Variants in GLIS3 observed in about 807,000 individuals in gnomAD.
GLIS3 encodes the protein zinc finger protein GLIS3.
A neutral mutation model predicts 78.6 loss-of-function variants in GLIS3; 53 were observed. The observed-to-expected ratio is 0.67, with a 90% CI of 0.54 to 0.85. The LOEUF (loss-of-function observed/expected upper bound fraction) is 0.85. GLIS3 is among the 40% of genes least tolerant of loss of function. The probability of loss-of-function intolerance (pLI) is 0.00; values close to 1 mark genes in which losing one functional copy is unlikely to be tolerated. For synonymous variants in GLIS3, 684 were observed against 509.9 expected (o/e 1.34, Z -4.60); for missense variants, 1,703 against 1,231.1 (o/e 1.38, Z -5.74).
chr9:3,972,559 T>A (rs1348229781), intron 4 of GLIS3, among the ~76,000 whole-genome samples: 2 of 152,164 alleles, frequency 1.3e-5, no homozygotes, highest in African/African-American at 4.8e-5. Context: ...AAAAAGGGTT[T>A]TTTTTGTTTG....
chr9:4,483,195 T>C, the GLIS3 span, among the ~76,000 whole-genome samples: 1 of 129,432 alleles, frequency 7.7e-6, no homozygotes, highest in Admixed American at 8.2e-5. Context: ...ATACTATATC[T>C]TGCTTTAGGC....
At chr9:4,451,468 G>A in the GLIS3 span, among the ~76,000 whole-genome samples, 12 of 152,128 alleles carry the variant, frequency 7.9e-5, no homozygotes, top group Admixed American at 6.6e-5. Context: ...AGGATATCCA[G>A]GAATTGAACT....
intron 2 of GLIS3, among the ~76,000 whole-genome samples, chr9:4,196,497 C>A (rs1586945386): frequency 6.6e-6 from 1 of 152,302 alleles, no homozygotes; most frequent in South Asian, 2.1e-4. Context: ...GAGCTGTAAC[C>A]CTCACCATAA....
intron 7 of GLIS3, among the ~76,000 whole-genome samples, chr9:3,895,281 T>C (rs1002731778): frequency 1.1e-4 from 17 of 152,288 alleles, no homozygotes; most frequent in African/African-American, 3.4e-4. Flanking sequence ...TCATCTAAAT[T>C]TACAGGCCTG....
chr9:4,247,078 T>C (rs991959124), intron 2 of GLIS3, among the ~76,000 whole-genome samples: 2 of 152,226 alleles, frequency 1.3e-5, no homozygotes, highest in African/African-American at 4.8e-5. Context: ...GGATGGCTTT[T>C]GTCAGCCCTC....
intron 9 of GLIS3, among the ~76,000 whole-genome samples, chr9:3,837,070 T>C (rs1818398047): frequency 6.6e-6 from 1 of 152,194 alleles, no homozygotes; most frequent in African/African-American, 2.4e-5. Context: ...AAGGATATTG[T>C]TGCTCAATCC....
chr9:4,129,526 T>G (rs756421873), intron 2 of GLIS3, among the ~76,000 whole-genome samples: 1 of 152,118 alleles, frequency 6.6e-6, no homozygotes, highest in Non-Finnish European at 1.5e-5. Context: ...TCTGGATGTT[T>G]CAAAGTGTGT....
At chr9:4,109,695 C>T (rs1831054487) in intron 4 of GLIS3, among the ~76,000 whole-genome samples, 1 of 152,102 alleles carries the variant, frequency 6.6e-6, no homozygotes, top group African/African-American at 2.4e-5. Flanking sequence ...GTTTCCAATT[C>T]CTAAACATGA....
intron 4 of GLIS3, among the ~76,000 whole-genome samples, chr9:3,944,705 T>C (rs562222264): frequency 4.9e-4 from 74 of 152,346 alleles, no homozygotes; most frequent in Non-Finnish European, 4.6e-4. Context: ...GCAAATATGT[T>C]TTATGGCTAT....
intron 4 of GLIS3, among the ~76,000 whole-genome samples, chr9:4,048,759 C>G (rs188302684): frequency 1.4e-4 from 22 of 152,282 alleles, no homozygotes; most frequent in Middle Eastern, 6.8e-3. Context: ...TCTTTCCAGC[C>G]ACCCATCAGG....
At chr9:4,059,825 T>TGAGACA (rs1469909194) in intron 4 of GLIS3, among the ~76,000 whole-genome samples, 1 of 120,270 alleles carries the variant, frequency 8.3e-6, no homozygotes, top group African/African-American at 3.2e-5. Flanking sequence ...TGTGTGTGTG[T>TGAGACA]GTGTGAGAGA....
At chr9:4,387,385 A>AC in the GLIS3 span, among the ~76,000 whole-genome samples, 1 of 152,000 alleles carries the variant, frequency 6.6e-6, no homozygotes, top group Non-Finnish European at 1.5e-5. Flanking sequence ...ACTCTCAGTT[A>AC]CCATCATTTT....
chr9:4,081,375 T>C (rs2130700275), intron 4 of GLIS3: 1 of 152,378 alleles, frequency 6.6e-6, no homozygotes, highest in African/African-American at 2.4e-5. Context: ...TTAGACTACA[T>C]TTCCCAGCCT....
intron 2 of GLIS3, among the ~76,000 whole-genome samples, chr9:4,323,435 T>A (rs1817564905): frequency 6.6e-6 from 1 of 152,256 alleles, no homozygotes; most frequent in Admixed American, 6.5e-5. Context: ...TTATGTTGTC[T>A]GTATTCGTCC....
intron 7 of GLIS3, among the ~76,000 whole-genome samples, chr9:3,895,002 G>C (rs940907058): frequency 6.6e-6 from 1 of 152,066 alleles, no homozygotes; most frequent in Non-Finnish European, 1.5e-5. Flanking sequence ...GTACAGCTTC[G>C]GTTTGAAAGG....
chr9:3,862,146 T>A (rs1209205726), intron 8 of GLIS3, among the ~76,000 whole-genome samples: 2 of 151,986 alleles, frequency 1.3e-5, no homozygotes, highest in South Asian at 4.2e-4. Context: ...CTTATTTGGA[T>A]GAAAAAAACA....
At chr9:4,279,587 A>C (rs371238336) in intron 2 of GLIS3, among the ~76,000 whole-genome samples, 71 of 152,072 alleles carry the variant, frequency 4.7e-4, no homozygotes, top group African/African-American at 1.2e-3. Context: ...AGGCTGAAAA[A>C]TTAATGTACT....
At chr9:4,112,087 T>C (rs963106684) in intron 4 of GLIS3, among the ~76,000 whole-genome samples, 26 of 152,056 alleles carry the variant, frequency 1.7e-4, no homozygotes, top group African/African-American at 6.0e-4. Context: ...GGGAACAGGG[T>C]GACAAATTTG....
At position 4,002,318 on chromosome 9, in the gene GLIS3, T is replaced by C. The variant is rs570485060; in HGVS notation, c.1711-65129A>G. Among the ~76,000 whole-genome samples, 3 of 152,218 alleles carry C rather than the reference T, an allele frequency of 2.0e-5. No individual in the cohort carries two copies. The South Asian group carries it at 6.2e-4, about 32-fold the overall frequency. ...AACCTTCTGACTTTCATCCAGTAAG[T>C]CCAGTAAAATTCATTTCCGACTCCT... On this transcript the variant is annotated intron_variant, in intron 4 of 10. Coordinates refer to ENST00000381971, the MANE Select transcript of GLIS3 (RefSeq NM_001042413.2).
Sources: gnomAD v4.1 joint callset for allele counts (sites outside exome capture counted in the v4.1 genomes callset) on GRCh38, gnomAD v4.1.1 for gene constraint, MANE v1.5 for transcripts, NCBI Gene and HGNC (gene_info 2026-07-23, HGNC 2026-07-21) for gene names.